The following PHF14 variants were observed in gnomAD, a reference collection of about 807,000 sequenced individuals.
PHF14 encodes the protein PHD finger protein 14.
In PHF14, 55 loss-of-function variants were observed where a neutral mutation model predicts 117.9. The ratio of observed to expected loss-of-function variants is 0.47; its 90% CI spans 0.38 to 0.58. The LOEUF (loss-of-function observed/expected upper bound fraction) is 0.58. PHF14 is among the 20% of genes least tolerant of loss of function. The probability of loss-of-function intolerance (pLI) is 0.00; values close to 1 mark genes in which losing one functional copy is unlikely to be tolerated. For missense variants in PHF14, 978 were observed against 1,122.2 expected (o/e 0.87, Z 1.84); for synonymous variants, 409 against 368.6 (o/e 1.11, Z -1.26).
intron 17 of PHF14, among the ~76,000 whole-genome samples, chr7:11,144,484 A>T (rs1415733056): frequency 6.6e-6 from 1 of 151,336 alleles, no homozygotes; most frequent in Non-Finnish European, 1.5e-5. Flanking sequence ...TATTGCAGAG[A>T]TACCTACACC....
intron 3 of PHF14, among the ~76,000 whole-genome samples, chr7:10,986,447 G>C (rs1444552087): frequency 1.3e-5 from 2 of 152,168 alleles, no homozygotes; most frequent in East Asian, 1.9e-4. Flanking sequence ...GAGAGAAAGA[G>C]TGAAAAAGAG....
At chr7:10,975,384 G>A (rs895316999) in intron 2 of PHF14, among the ~76,000 whole-genome samples, 3 of 152,064 alleles carry the variant, frequency 2.0e-5, no homozygotes, top group Non-Finnish European at 4.4e-5. Flanking sequence ...TCTTTTACTA[G>A]AATAAAATTG....
At chr7:11,064,863 C>G (rs1295281078) in intron 16 of PHF14, among the ~76,000 whole-genome samples, 1 of 151,958 alleles carries the variant, frequency 6.6e-6, no homozygotes. Flanking sequence ...ATCATACTTG[C>G]TTCATTAGGT....
chr7:10,997,267 A>G (rs1272857571), intron 4 of PHF14, among the ~76,000 whole-genome samples: 3 of 152,196 alleles, frequency 2.0e-5, no homozygotes, highest in Non-Finnish European at 2.9e-5. Context: ...ATTTAGTAAC[A>G]TGAGGGTCAT....
rs796166464 is a variant in PHF14, at chr7:11,088,403, A to AAC, written c.2655-22934_2655-22933dup. Among the ~76,000 whole-genome samples the AAC allele has an allele frequency of 3.6e-3, 548 of 151,070 alleles. 1 individual carries two copies. The highest frequency in any genetic ancestry group is 0.013 in the African/African-American group (531 of 41,002). ...AATGTGTGTTGTTCACATACACACA[A>AAC]ACACACACACACACGCACACACACA... On this transcript the variant is annotated intron_variant, in intron 16 of 17. Coordinates refer to ENST00000634607, the MANE Select transcript of PHF14 (RefSeq NM_001007157.2).
chr7:11,119,481 T>C, intron 17 of PHF14, among the ~76,000 whole-genome samples: 1 of 151,804 alleles, frequency 6.6e-6, no homozygotes, highest in East Asian at 1.9e-4. Flanking sequence ...TTATTTGTCG[T>C]GTGAGTGTGA....
At chr7:11,019,359 G>C (rs947820534) in intron 5 of PHF14, among the ~76,000 whole-genome samples, 5 of 152,124 alleles carry the variant, frequency 3.3e-5, no homozygotes, top group African/African-American at 1.2e-4. Flanking sequence ...GAAGCCATCA[G>C]GTCAAGCAGT....
chr7:11,090,472 A>T (rs963491601), intron 16 of PHF14, among the ~76,000 whole-genome samples: 1 of 152,210 alleles, frequency 6.6e-6, no homozygotes, highest in Non-Finnish European at 1.5e-5. Context: ...ATTTATGTCA[A>T]TTATTAAAGA....
chr7:11,094,951 G>A (rs1040309565), intron 16 of PHF14, among the ~76,000 whole-genome samples: 3 of 152,080 alleles, frequency 2.0e-5, no homozygotes, highest in African/African-American at 7.2e-5. Context: ...GATAGAAGGA[G>A]TGTTATTTCC....
At chr7:11,021,313 G>C (rs765664337) in intron 5 of PHF14, among the ~76,000 whole-genome samples, 1 of 152,084 alleles carries the variant, frequency 6.6e-6, no homozygotes, top group African/African-American at 2.4e-5. Flanking sequence ...TTAAATTGTA[G>C]ATTTGTCTTA....
intron 6 of PHF14, among the ~76,000 whole-genome samples, chr7:11,026,789 A>G (rs1392740259): frequency 1.3e-5 from 2 of 151,660 alleles, no homozygotes; most frequent in Non-Finnish European, 2.9e-5. Context: ...CACCTTGTGT[A>G]AAGTTCCATG....
In PHF14 at chr7:10,982,602, AAGG is replaced by A. The variant is rs1782079061; in HGVS notation, c.346_348del (p.Glu116del). 1 of 1,513,878 alleles carries A rather than the reference AAGG, an allele frequency of 6.6e-7. No individual in the cohort carries two copies. The highest frequency in any genetic ancestry group is 1.4e-5 in the African/African-American group (1 of 71,662). The allele number at this position is 1,513,878 out of a possible 1,614,324, so 93.8% of individuals were successfully genotyped here. A position where few individuals can be genotyped will look rare whatever the true frequency, so the allele number is the denominator to read the frequency against. ...AAATGGAGAAAGACCTAGAAAGAAA[AAGG>A]AGAAAGAGAAGGAAAAAGAAAAGGA... On this transcript the variant is annotated inframe_deletion, in exon 3 of 18. Coordinates refer to ENST00000634607, the MANE Select transcript of PHF14 (RefSeq NM_001007157.2).
At position 11,103,532 on chromosome 7, in the gene PHF14, T is replaced by C. The variant is rs947956916; in HGVS notation, c.2655-7818T>C. 9 of 985,174 alleles carry C rather than the reference T, an allele frequency of 9.1e-6. No homozygotes were observed. In the African/African-American group the frequency reaches 1.4e-4, roughly 15 times the overall value. The allele number at this position is 985,174 out of a possible 1,614,324, so 61.0% of individuals were successfully genotyped here. On this transcript the variant is annotated intron_variant, in intron 16 of 17. Coordinates refer to ENST00000634607, the MANE Select transcript of PHF14 (RefSeq NM_001007157.2). ...CAACGGCAGAAGTATGTTGAATATT[T>C]CATCACTCAATCTTGAACTGATTTA... is the stretch of plus-strand genomic sequence containing the variant.
chr7:11,044,077 C>G (rs966823406), intron 13 of PHF14, among the ~76,000 whole-genome samples: 13 of 152,028 alleles, frequency 8.6e-5, no homozygotes, highest in South Asian at 2.1e-4. Flanking sequence ...GTGAATTAAC[C>G]CAGGAAAAGA....
At chr7:11,035,028 C>G (rs1238129706) in intron 7 of PHF14, among the ~76,000 whole-genome samples, 1 of 151,090 alleles carries the variant, frequency 6.6e-6, no homozygotes, top group African/African-American at 2.4e-5. Context: ...TAAACAGTGA[C>G]TTTTTAAAAA....
chr7:11,021,559 A>G (rs1479765878), intron 5 of PHF14, among the ~76,000 whole-genome samples: 5 of 152,182 alleles, frequency 3.3e-5, no homozygotes, highest in Non-Finnish European at 7.4e-5. Flanking sequence ...CATTTTAAGA[A>G]GGTCAGTATG....
chr7:11,016,125 C>G (rs17163903), intron 5 of PHF14, among the ~76,000 whole-genome samples: 9 of 152,080 alleles, frequency 5.9e-5, no homozygotes, highest in East Asian at 3.9e-4. Context: ...GTGGACGTTA[C>G]ATAAGTAGAC....
At chr7:11,065,371 A>T (rs1425684450) in intron 16 of PHF14, among the ~76,000 whole-genome samples, 1 of 152,090 alleles carries the variant, frequency 6.6e-6, no homozygotes, top group Non-Finnish European at 1.5e-5. Flanking sequence ...CTACTTAGTG[A>T]TACCTTATTT....
chr7:11,104,840 T>G lies in PHF14; in HGVS notation c.2655-6510T>G, dbSNP rs1787206938. 8 of 869,820 alleles carry G rather than the reference T, an allele frequency of 9.2e-6. No homozygotes were observed. The Admixed American group carries it at 5.0e-4, about 54-fold the overall frequency. The allele number at this position is 869,820 out of a possible 1,614,324, so 53.9% of individuals were successfully genotyped here. ...CCAGCTGATGCTGATGCTACTGGCCTGGAACACCACATTAAGAACCATTCA... is the reference window on the plus strand; with the variant it reads ...CCAGCTGATGCTGATGCTACTGGCCGGGAACACCACATTAAGAACCATTCA... On this transcript the variant is annotated intron_variant, in intron 16 of 17. Coordinates refer to ENST00000634607, the MANE Select transcript of PHF14 (RefSeq NM_001007157.2).
Sources: allele counts gnomAD v4.1 joint callset (sites outside exome capture counted in the v4.1 genomes callset), GRCh38; gene constraint gnomAD v4.1.1; transcripts MANE v1.5; gene names NCBI Gene and HGNC (gene_info 2026-07-23, HGNC 2026-07-21).